Variants in ROBO2 observed in about 807,000 individuals in gnomAD.
ROBO2 encodes the protein roundabout guidance receptor 2, also known as roundabout homolog 2.
Under a neutral mutation model 160.8 loss-of-function variants are expected in ROBO2, and 53 were observed. That is an observed-to-expected ratio of 0.33 (90% CI 0.26 to 0.41). The LOEUF (loss-of-function observed/expected upper bound fraction) is 0.41, where lower values mean the gene tolerates loss of function less well. Ranked by LOEUF, ROBO2 falls within the 10% of genes least tolerant of loss-of-function variation. The probability of loss-of-function intolerance (pLI) is 1.00; values close to 1 mark genes in which losing one functional copy is unlikely to be tolerated. For synonymous variants in ROBO2, 664 were observed against 611.7 expected, an observed-to-expected ratio of 1.09 and a Z score of -1.26; for missense variants, 1,577 against 1,722.4, an observed-to-expected ratio of 0.92 and a Z score of 1.49.
rs77887118 is a variant in ROBO2 at position 76,736,657 on chromosome 3, G to A, written c.110-361357G>A. On this transcript the variant is annotated intron_variant, in intron 2 of 26. Transcript: ENST00000487694. ...GAAGTATAGATTTAAATGAAACCTGGCTCATCTTTTAATATAAACTGGACT... is the reference window on the plus strand; with the variant it reads ...GAAGTATAGATTTAAATGAAACCTGACTCATCTTTTAATATAAACTGGACT... 1.8e-4 allele frequency among the ~76,000 whole-genome samples: 28 copies of A among 152,254 alleles called. 1 individual carries two copies. The East Asian group carries it at 5.4e-3, about 29-fold the overall frequency.
intron 2 of ROBO2, among the ~76,000 whole-genome samples, chr3:76,216,916 C>G (rs1016912585): frequency 1.3e-5 from 2 of 152,170 alleles, no homozygotes; most frequent in African/African-American, 4.8e-5. Flanking sequence ...GGAAGTAAAG[C>G]TCTCCTCAGC....
chr3:76,312,717 G>C (rs1473190813), intron 2 of ROBO2, among the ~76,000 whole-genome samples: 2 of 152,216 alleles, frequency 1.3e-5, no homozygotes, highest in Non-Finnish European at 2.9e-5. Context: ...ATTGATGTCA[G>C]GAGTGTTAAC....
intron 2 of ROBO2, chr3:77,317,381 G>T (rs1410188945): frequency 9.5e-7 from 1 of 1,050,932 alleles, no homozygotes; most frequent in South Asian, 1.3e-5. Context: ...TATTGTCGGG[G>T]TTCCATTTCT....
At chr3:76,691,793 A>G (rs1341597981) in intron 2 of ROBO2, among the ~76,000 whole-genome samples, 2 of 152,152 alleles carry the variant, frequency 1.3e-5, no homozygotes, top group East Asian at 3.9e-4. Context: ...CGATGACCTG[A>G]AAATGATGAG....
At chr3:76,678,962 T>C (rs2092483891) in intron 2 of ROBO2, among the ~76,000 whole-genome samples, 1 of 152,218 alleles carries the variant, frequency 6.6e-6, no homozygotes, top group African/African-American at 2.4e-5. Context: ...ATTGTTGTCA[T>C]ATTTAGGCTA....
At chr3:76,931,132 T>C (rs1464306868) in intron 2 of ROBO2, among the ~76,000 whole-genome samples, 2 of 152,194 alleles carry the variant, frequency 1.3e-5, no homozygotes, top group Non-Finnish European at 2.9e-5. Context: ...TTTCTGTTAC[T>C]ATGTTAAAGT....
At chr3:77,049,703 T>C (rs1168704574) in intron 1 of ROBO2, among the ~76,000 whole-genome samples, 1 of 152,118 alleles carries the variant, frequency 6.6e-6, no homozygotes, top group Non-Finnish European at 1.5e-5. Flanking sequence ...TTAATTTCTG[T>C]TGTAAGGATT....
At chr3:76,844,524 C>T (rs1431929763) in intron 2 of ROBO2, among the ~76,000 whole-genome samples, 1 of 151,954 alleles carries the variant, frequency 6.6e-6, no homozygotes, top group Admixed American at 6.6e-5. Context: ...TCTATTGTAA[C>T]ATTGTGTACT....
intron 2 of ROBO2, among the ~76,000 whole-genome samples, chr3:76,854,018 T>TTC (rs573633101): frequency 0.036 from 4,193 of 116,948 alleles, 68 homozygotes; most frequent in South Asian, 0.049. Context: ...AGCATAGACT[T>TTC]TCTCTCTCTC....
chr3:77,329,694 C>T (rs1464160884), intron 2 of ROBO2, among the ~76,000 whole-genome samples: 1 of 152,188 alleles, frequency 6.6e-6, no homozygotes, highest in Non-Finnish European at 1.5e-5. Context: ...ATACTTCCCA[C>T]AGTGCTTAGG....
intron 2 of ROBO2, among the ~76,000 whole-genome samples, chr3:76,205,940 G>T (rs1315624993): frequency 6.6e-6 from 1 of 152,116 alleles, no homozygotes; most frequent in Non-Finnish European, 1.5e-5. Context: ...AACTCGAACT[G>T]TTCAACTTTT....
intron 2 of ROBO2, among the ~76,000 whole-genome samples, chr3:76,183,806 G>C (rs775599860): frequency 6.6e-6 from 1 of 152,070 alleles, no homozygotes; most frequent in Non-Finnish European, 1.5e-5. Flanking sequence ...GGCTAATGTT[G>C]CTAAGTTCAC....
chr3:76,476,462 C>A (rs577225876), intron 2 of ROBO2, among the ~76,000 whole-genome samples: 3 of 152,142 alleles, frequency 2.0e-5, no homozygotes, highest in Non-Finnish European at 4.4e-5. Context: ...CAACACCTGT[C>A]TGTTGAAACA....
intron 2 of ROBO2, among the ~76,000 whole-genome samples, chr3:76,123,976 G>T (rs2070859430): frequency 6.6e-6 from 1 of 151,874 alleles, no homozygotes; most frequent in African/African-American, 2.4e-5. Flanking sequence ...TATATTCACT[G>T]TTGTACTTGT....
chr3:77,242,858 A>G (rs1285403623), intron 2 of ROBO2, among the ~76,000 whole-genome samples: 4 of 151,244 alleles, frequency 2.6e-5, no homozygotes, highest in South Asian at 2.1e-4. Context: ...ATAATGGCCT[A>G]TTGTACTATG....
chr3:76,369,754 A>G (rs1341282868), intron 2 of ROBO2, among the ~76,000 whole-genome samples: 1 of 151,916 alleles, frequency 6.6e-6, no homozygotes, highest in Non-Finnish European at 1.5e-5. Flanking sequence ...TCCTGTTGAT[A>G]TACATACTAA....
At chr3:76,949,876 T>C (rs1459881729) in intron 2 of ROBO2, among the ~76,000 whole-genome samples, 1 of 152,216 alleles carries the variant, frequency 6.6e-6, no homozygotes, top group Non-Finnish European at 1.5e-5. Flanking sequence ...GCTTTGTATT[T>C]AATCTATCTA....
chr3:76,997,185 A>C (rs2061064263), intron 2 of ROBO2, among the ~76,000 whole-genome samples: 1 of 152,172 alleles, frequency 6.6e-6, no homozygotes, highest in African/African-American at 2.4e-5. Flanking sequence ...TGCATGAAAA[A>C]CACAAATCAC....
intron 2 of ROBO2, among the ~76,000 whole-genome samples, chr3:76,862,139 A>G (rs866800958): frequency 2.4e-4 from 37 of 152,188 alleles, no homozygotes; most frequent in African/African-American, 8.9e-4. Flanking sequence ...AAGGAAAGAC[A>G]TGCCCTCTCT....
Sources: gnomAD v4.1 joint callset for allele counts (sites outside exome capture counted in the v4.1 genomes callset) on GRCh38, gnomAD v4.1.1 for gene constraint, MANE v1.5 for transcripts, NCBI Gene and HGNC (gene_info 2026-07-23, HGNC 2026-07-21) for gene names.